The following ZNRF2 variants were observed in gnomAD, a reference collection of about 807,000 sequenced individuals.
ZNRF2 encodes zinc and ring finger 2.
A neutral mutation model predicts 20.4 loss-of-function variants in ZNRF2; 16 were observed. The ratio of observed to expected loss-of-function variants is 0.79; its 90% CI spans 0.53 to 1.19. ZNRF2 has a LOEUF of 1.19. Among genes scored for constraint, ZNRF2 ranks in the 50% most tolerant of loss-of-function variants. The pLI is 0.00. For synonymous variants in ZNRF2, 178 were observed against 144.9 expected (o/e 1.23, Z -1.64); for missense variants, 363 against 332.4 (o/e 1.09, Z -0.72).
rs1339623172 is a variant in ZNRF2, at chr7:30,301,489, GATAA to G, written c.469+15673_469+15676del. ...CAGAGTGAGACTGGGTCTCAAAATA[GATAA>G]ATAAATAAAAGCTAGAAAAGGGACT... On this transcript the variant is annotated intron_variant, in intron 1 of 4. Transcript: ENST00000323037. Among the ~76,000 whole-genome samples, 8 of 151,538 alleles carry G rather than the reference GATAA, an allele frequency of 5.3e-5. No individual in the cohort carries two copies. The South Asian group carries it at 6.2e-4, about 12-fold the overall frequency.
intron 1 of ZNRF2, among the ~76,000 whole-genome samples, chr7:30,304,722 A>C (rs1475401482): frequency 6.6e-6 from 1 of 152,168 alleles, no homozygotes; most frequent in African/African-American, 2.4e-5. Context: ...GATATTCATC[A>C]TATAGACTTA....
In ZNRF2 at chr7:30,288,510, T is replaced by C. The variant is rs552319843; in HGVS notation, c.469+2684T>C. Among the ~76,000 whole-genome samples the C allele has an allele frequency of 4.6e-5, 7 of 152,346 alleles. No individual in the cohort carries two copies. The South Asian group carries it at 8.3e-4, about 18-fold the overall frequency. On this transcript the variant is annotated intron_variant, in intron 1 of 4. Transcript: ENST00000323037. Reference sequence around the variant, plus strand: ...TAGCAAGTGGAATTGTTAGTAGTTCTCTCATAATGAATTGCCACATTGAAC... The same window carrying C: ...TAGCAAGTGGAATTGTTAGTAGTTCCCTCATAATGAATTGCCACATTGAAC...
intron 1 of ZNRF2, among the ~76,000 whole-genome samples, chr7:30,310,934 T>G (rs1395345435): frequency 1.3e-5 from 2 of 152,110 alleles, no homozygotes; most frequent in African/African-American, 4.8e-5. Context: ...AGGTCCCAAG[T>G]TTGGGGTTGA....
At chr7:30,337,657 C>T (rs1799736299) in intron 2 of ZNRF2, among the ~76,000 whole-genome samples, 2 of 152,078 alleles carry the variant, frequency 1.3e-5, no homozygotes, top group Admixed American at 1.3e-4. Context: ...CTAAAACCTG[C>T]AGAAACATGA....
chr7:30,324,952 A>G (rs946761331), intron 2 of ZNRF2, among the ~76,000 whole-genome samples: 1 of 152,206 alleles, frequency 6.6e-6, no homozygotes, highest in Admixed American at 6.5e-5. Context: ...TGCAGTGCAT[A>G]TGTGTCTCTG....
chr7:30,351,641 G>A (rs1350310514), intron 2 of ZNRF2, among the ~76,000 whole-genome samples: 2 of 151,966 alleles, frequency 1.3e-5, no homozygotes, highest in East Asian at 3.8e-4. Flanking sequence ...AAATGCCAAG[G>A]ACTTAGTCTA....
chr7:30,351,229 T>A lies in ZNRF2; in HGVS notation c.566-4499T>A, dbSNP rs80316309. Among the ~76,000 whole-genome samples the A allele has an allele frequency of 1.8e-4, 28 of 152,142 alleles. No individual in the cohort carries two copies. The East Asian group carries it at 4.8e-3, about 26-fold the overall frequency. On this transcript the variant is annotated intron_variant, in intron 2 of 4. Transcript: ENST00000323037. ...CAGAAGTTTGTAACTAGTTTATAAATGTATATTCATTACCTATTATATATT... is the reference window on the plus strand; with the variant it reads ...CAGAAGTTTGTAACTAGTTTATAAAAGTATATTCATTACCTATTATATATT...
chr7:30,355,822 A>G lies in ZNRF2; in HGVS notation c.660A>G (p.Ile220Met), dbSNP rs761417571. ...DTIARLPCLC[I>M]YHKGCIDEWF... is the part of the protein sequence containing the mutation. ...TAGCACGACTGCCTTGTCTATGCAT[A>G]TATCATAAAGGGTAAGTTCACCAAG... The change falls in exon 3 of 5, where the codon ATA becomes ATG. Residue 220 changes from isoleucine (I) to methionine (M), a missense_variant. By Grantham distance (10) the Ile-to-Met change is conservative. This residue lies in a region of ZNRF2 where 61 missense variants were observed against 100.9 expected (regional missense o/e 0.60). Coordinates refer to ENST00000323037, the MANE Select transcript of ZNRF2 (RefSeq NM_147128.4). 16 of 1,612,188 alleles carry G rather than the reference A, an allele frequency of 9.9e-6. No individual in the cohort carries two copies. The highest frequency in any genetic ancestry group is 2.2e-5 in the East Asian group (1 of 44,816).
chr7:30,317,169 C>T (rs1799389104), intron 1 of ZNRF2, among the ~76,000 whole-genome samples: 1 of 152,168 alleles, frequency 6.6e-6, no homozygotes, highest in South Asian at 2.1e-4. Context: ...CTGAGGCCAA[C>T]TGTATAGTTC....
chr7:30,314,912 G>A (rs1173809910), intron 1 of ZNRF2, among the ~76,000 whole-genome samples: 1 of 151,884 alleles, frequency 6.6e-6, no homozygotes, highest in Non-Finnish European at 1.5e-5. Flanking sequence ...TGCCTCCTGG[G>A]TTCACACCAT....
chr7:30,344,240 T>A (rs1167141734), intron 2 of ZNRF2, among the ~76,000 whole-genome samples: 1 of 151,642 alleles, frequency 6.6e-6, no homozygotes, highest in Non-Finnish European at 1.5e-5. Flanking sequence ...TGTTTCTTTT[T>A]TTTTTTTTAA....
intron 2 of ZNRF2, among the ~76,000 whole-genome samples, chr7:30,345,861 A>T (rs1376606026): frequency 6.6e-6 from 1 of 152,162 alleles, no homozygotes; most frequent in Non-Finnish European, 1.5e-5. Flanking sequence ...TCAAAAACCC[A>T]TAGTTGCGTT....
At chr7:30,353,413 T>C (rs1024485417) in intron 2 of ZNRF2, among the ~76,000 whole-genome samples, 3 of 152,142 alleles carry the variant, frequency 2.0e-5, no homozygotes, top group African/African-American at 7.2e-5. Flanking sequence ...GATTATTTTT[T>C]ATTGCTAGGG....
At chr7:30,293,539 G>A (rs1015566928) in intron 1 of ZNRF2, among the ~76,000 whole-genome samples, 45 of 152,168 alleles carry the variant, frequency 3.0e-4, no homozygotes, top group African/African-American at 1.0e-3. Context: ...CTGAGTGCCC[G>A]GCCAGTTCTT....
chr7:30,307,772 C>T (rs923587145), intron 1 of ZNRF2, among the ~76,000 whole-genome samples: 1 of 151,976 alleles, frequency 6.6e-6, no homozygotes, highest in African/African-American at 2.4e-5. Context: ...ATGTTTCACT[C>T]TTAAACTTAG....
intron 1 of ZNRF2, among the ~76,000 whole-genome samples, chr7:30,322,622 A>G (rs934376123): frequency 1.3e-5 from 2 of 151,504 alleles, no homozygotes; most frequent in African/African-American, 2.4e-5. Flanking sequence ...TAAGCTCTTT[A>G]CTGCTGGCCA....
intron 2 of ZNRF2, among the ~76,000 whole-genome samples, chr7:30,323,954 A>C (rs1199941442): frequency 6.6e-6 from 1 of 152,158 alleles, no homozygotes; most frequent in South Asian, 2.1e-4. Context: ...TACTTGGGTT[A>C]TATCTATCCA....
Position 30,284,711 on chromosome 7 carries a change from C to T in ZNRF2, c.-647C>T, listed in dbSNP as rs1159842207. The T allele has an allele frequency of 1.1e-5, 2 of 176,938 alleles. No homozygotes were observed. Among genetic ancestry groups the T allele is most frequent in the Admixed American group, 6.5e-5 (1 of 15,346 alleles). The allele number at this position is 176,938 out of a possible 1,614,324, so 11.0% of individuals were successfully genotyped here. On this transcript the variant is annotated 5_prime_UTR_variant, in exon 1 of 5. Transcript: ENST00000323037. Reference sequence around the variant, plus strand: ...CCCGCCTTCGCGGCCCAGATCCTCCCGCCAGCCCGGCCCCTCCTTCGCAGG... The same window carrying T: ...CCCGCCTTCGCGGCCCAGATCCTCCTGCCAGCCCGGCCCCTCCTTCGCAGG...
intron 1 of ZNRF2, among the ~76,000 whole-genome samples, chr7:30,307,411 C>A (rs1799227825): frequency 8.2e-6 from 1 of 121,920 alleles, no homozygotes; most frequent in Admixed American, 9.8e-5. Context: ...ATCTGTACTA[C>A]TTTTATTTTC....
Sources: gnomAD v4.1 joint callset for allele counts (sites outside exome capture counted in the v4.1 genomes callset) on GRCh38, gnomAD v4.1.1 for gene constraint, gnomAD v4.1.1 regional missense constraint, MANE v1.5 for transcripts, NCBI Gene and HGNC (gene_info 2026-07-23, HGNC 2026-07-21) for gene names.